Variants in ADAMTS9 observed in about 807,000 individuals in gnomAD.
The protein encoded by ADAMTS9 is A disintegrin and metalloproteinase with thrombospondin motifs 9.
ADAMTS9 carries 107 observed loss-of-function variants against 257.1 expected under a neutral mutation model. That is an observed-to-expected ratio of 0.42 (90% confidence interval 0.36 to 0.49). The LOEUF is 0.49. Among genes scored for constraint, ADAMTS9 ranks in the 20% least tolerant of loss-of-function variants. ADAMTS9 has a pLI of 0.03. For missense variants in ADAMTS9, 2,353 were observed against 2,469.1 expected, an observed-to-expected ratio of 0.95 and a Z score of 1.00; for synonymous variants, 982 against 880.9, an observed-to-expected ratio of 1.11 and a Z score of -2.03.
chr3:64,641,641 T>A lies in ADAMTS9; in HGVS notation c.1856+207A>T, dbSNP rs9851856. On this transcript the variant is annotated intron_variant, in intron 12 of 39. Transcript: ENST00000498707. The stretch of plus-strand genomic sequence containing the variant: ...CCTGTTTGGTAGATAAAACTTTGAA[T>A]AACAAAGGATCTTGAGAGTAAACAA... 0.29 allele frequency among the ~76,000 whole-genome samples: 44,526 copies of A among 151,354 alleles called. 8,173 individuals are homozygous for A. The highest frequency in any genetic ancestry group is 0.53 in the East Asian group (2,690 of 5,090).
At position 64,687,727 on chromosome 3, in the gene ADAMTS9, C is replaced by G. The variant is rs1056490287; in HGVS notation, c.-70G>C. The G allele has an allele frequency of 4.8e-6, 6 of 1,245,008 alleles. No homozygotes were observed. Among genetic ancestry groups the G allele is most frequent in the Non-Finnish European group, 6.5e-6 (6 of 926,616 alleles). The allele number at this position is 1,245,008 out of a possible 1,614,324, so 77.1% of individuals were successfully genotyped here. On this transcript the variant is annotated 5_prime_UTR_variant, in exon 1 of 40. Transcript: ENST00000498707. The surrounding 1 kb of genome is among the most constrained non-coding windows in gnomAD (Gnocchi z 4.4). Reference sequence around the variant, plus strand: ...CTGCCCTCCTTGGCTGCGGCGGCGACGCGAGGCAGCGGCCGTGGAGAGCGC... The same window carrying G: ...CTGCCCTCCTTGGCTGCGGCGGCGAGGCGAGGCAGCGGCCGTGGAGAGCGC...
chr3:64,598,817 T>C (rs1284289161), intron 26 of ADAMTS9, among the ~76,000 whole-genome samples: 1 of 152,162 alleles, frequency 6.6e-6, no homozygotes, highest in Non-Finnish European at 1.5e-5. Context: ...TCCTTTATTA[T>C]GTCACCTGTC....
At chr3:64,680,275 C>A (rs898536085) in intron 3 of ADAMTS9, among the ~76,000 whole-genome samples, 11 of 151,736 alleles carry the variant, frequency 7.2e-5, no homozygotes, top group African/African-American at 4.8e-5. Flanking sequence ...CCAGAAAGAC[C>A]CTGAGATGCT....
At chr3:64,622,170 C>A (rs1184391116) in intron 18 of ADAMTS9, 28 bp downstream of exon 18, 1 of 1,579,444 alleles carries the variant, frequency 6.3e-7, no homozygotes, top group Non-Finnish European at 8.6e-7. Flanking sequence ...CTTCTCAAAT[C>A]CCCAGAACTC....
chr3:64,687,556 C>A lies in ADAMTS9; in HGVS notation c.102G>T (p.Leu34=). 6.5e-7 allele frequency: 1 copy of A among 1,550,138 alleles called. No homozygotes were observed. Among genetic ancestry groups the A allele is most frequent in the Non-Finnish European group, 8.7e-7 (1 of 1,147,770 alleles). ...DAAAAVRKDR[L]HPRQVKLLET... is the part of the protein sequence containing the mutation. Reference sequence around the variant, plus strand: ...GAGCCTGGTTACCTTGCCTCGGGTGCAGCCTGTCCTTGCGCACGGCCGCCG... The same window carrying A: ...GAGCCTGGTTACCTTGCCTCGGGTGAAGCCTGTCCTTGCGCACGGCCGCCG... The change falls in exon 1 of 40, where the codon CTG becomes CTT. Residue 34 remains leucine (L), a synonymous_variant. Coordinates refer to ENST00000498707, the MANE Select transcript of ADAMTS9 (RefSeq NM_182920.2). The surrounding 1 kb of genome is among the most constrained non-coding windows in gnomAD (Gnocchi z 4.4).
chr3:64,582,170 T>C (rs929102676), intron 28 of ADAMTS9, among the ~76,000 whole-genome samples: 3 of 152,134 alleles, frequency 2.0e-5, no homozygotes, highest in Admixed American at 2.0e-4. Flanking sequence ...TGCCATCTGC[T>C]AGAGGAGCAA....
intron 39 of ADAMTS9, among the ~76,000 whole-genome samples, chr3:64,517,962 A>G (rs370286048): frequency 1.3e-5 from 2 of 152,256 alleles, no homozygotes; most frequent in East Asian, 3.9e-4. Context: ...ATGATCTCAG[A>G]TCCTTGGATG....
intron 26 of ADAMTS9, among the ~76,000 whole-genome samples, chr3:64,599,745 C>A (rs1284513822): frequency 6.6e-6 from 1 of 152,332 alleles, no homozygotes; most frequent in African/African-American, 2.4e-5. Context: ...CAAGGGTTGG[C>A]AAGCCACAGC....
chr3:64,687,191 C>T lies in ADAMTS9; in HGVS notation c.116-223G>A. Among the ~76,000 whole-genome samples the T allele has an allele frequency of 6.6e-6, 1 of 152,136 alleles. No homozygotes were observed. The highest frequency in any genetic ancestry group is 1.9e-4 in the East Asian group (1 of 5,188). ...ACACTATTCCGAGCCAGACAATTAACAAGTCAAAATATATATGATTTCAGA... is the reference window on the plus strand; with the variant it reads ...ACACTATTCCGAGCCAGACAATTAATAAGTCAAAATATATATGATTTCAGA... On this transcript the variant is annotated intron_variant, in intron 1 of 39. Coordinates refer to ENST00000498707, the MANE Select transcript of ADAMTS9 (RefSeq NM_182920.2). This position sits in a 1 kb window ranked among gnomAD's most constrained non-coding sequence, Gnocchi z 4.4.
chr3:64,627,385 G>GA (rs10718029), intron 16 of ADAMTS9, among the ~76,000 whole-genome samples: 4,909 of 148,710 alleles, frequency 0.033, 245 homozygotes, highest in African/African-American at 0.11. Flanking sequence ...ATCATCAGAT[G>GA]AAAAAAAAAA....
intron 10 of ADAMTS9, among the ~76,000 whole-genome samples, chr3:64,649,115 CA>C (rs1479391425): frequency 2.0e-5 from 3 of 152,142 alleles, no homozygotes; most frequent in African/African-American, 7.2e-5. Flanking sequence ...ACACATGCAG[CA>C]AAACTATCAC....
chr3:64,576,618 T>G (rs1212375841), intron 28 of ADAMTS9, among the ~76,000 whole-genome samples: 1 of 152,186 alleles, frequency 6.6e-6, no homozygotes. Flanking sequence ...CTGGCACTTA[T>G]TACCATGAAA....
intron 26 of ADAMTS9, among the ~76,000 whole-genome samples, chr3:64,600,200 C>T (rs1027877496): frequency 3.3e-5 from 5 of 152,066 alleles, no homozygotes; most frequent in Non-Finnish European, 4.4e-5. Flanking sequence ...CCCTTTGCCG[C>T]CTTTTCTGCC....
intron 39 of ADAMTS9, among the ~76,000 whole-genome samples, chr3:64,518,764 ATTTTTTT>A (rs61286740): frequency 9.2e-5 from 6 of 65,292 alleles, no homozygotes; most frequent in Non-Finnish European, 1.8e-4. Flanking sequence ...TTACCTTTTC[ATTTTTTT>A]TTTTTTTTTT....
At position 64,655,775 on chromosome 3, in the gene ADAMTS9, G is replaced by GA. The variant is rs771897186; in HGVS notation, c.1053+16dup. The GA allele has an allele frequency of 3.2e-6, 5 of 1,565,374 alleles. No homozygotes were observed. In the Admixed American group the frequency reaches 8.0e-5, roughly 25 times the overall value. ...TTTCGGATACAGATAGAAGAAAAAA[G>GA]AAAAAAACTTTATTACCTGTTCATT... is the stretch of plus-strand genomic sequence containing the variant. On this transcript the variant is annotated intron_variant, in intron 5 of 39. Transcript: ENST00000498707.
chr3:64,601,976 C>T lies in ADAMTS9; in HGVS notation c.3985G>A (p.Gly1329Arg), dbSNP rs1413127191. 5 of 1,612,674 alleles carry T rather than the reference C, an allele frequency of 3.1e-6. No homozygotes were observed. The East Asian group carries it at 6.7e-5, about 22-fold the overall frequency. ...CAGGGGCCAGTTCTCCACTGGTTTC[C>T]ACCGAGCACATGGGTGCGGCTGGGG... ...ASPSRTHVLG[G>R]NQWRTGPWGA... is the part of the protein sequence containing the mutation. Residue 1329 changes from glycine to arginine, a missense_variant, in exon 26 of 40, where the codon GGA becomes AGA. Around this residue, in one of 3 missense-constraint regions of ADAMTS9, gnomAD observed 1,402 missense variants for 1,441.4 expected, o/e 0.97. Transcript: ENST00000498707.
intron 23 of ADAMTS9, among the ~76,000 whole-genome samples, chr3:64,604,991 T>C (rs555801213): frequency 6.6e-6 from 1 of 152,358 alleles, no homozygotes; most frequent in East Asian, 1.9e-4. Flanking sequence ...TTAAAAATTA[T>C]CCTGTGACTT....
chr3:64,615,241 G>T, intron 21 of ADAMTS9, 80 bp downstream of exon 21: 1 of 1,490,512 alleles, frequency 6.7e-7, no homozygotes, highest in Non-Finnish European at 9.1e-7. Context: ...GTGCACAAGG[G>T]TTTGTCTTAA....
At chr3:64,564,709 A>G (rs929512049) in intron 29 of ADAMTS9, among the ~76,000 whole-genome samples, 3 of 151,672 alleles carry the variant, frequency 2.0e-5, no homozygotes, top group African/African-American at 4.9e-5. Context: ...TTCCCCCCCA[A>G]CTTGTGACAA....
Sources: gnomAD v4.1 joint callset for allele counts (sites outside exome capture counted in the v4.1 genomes callset) on GRCh38, gnomAD v4.1.1 for gene constraint, gnomAD v4.1.1 regional missense constraint, Gnocchi (gnomAD v3.1) non-coding constraint, MANE v1.5 for transcripts, NCBI Gene and HGNC (gene_info 2026-07-23, HGNC 2026-07-21) for gene names.